Variants in PDE4A observed in about 807,000 individuals in gnomAD.
The protein encoded by PDE4A is phosphodiesterase 4A.
A neutral mutation model predicts 73.9 loss-of-function variants in PDE4A; 21 were observed. That is an observed-to-expected ratio of 0.28 (90% CI 0.20 to 0.41). The LOEUF (loss-of-function observed/expected upper bound fraction) is 0.41, where lower values mean the gene tolerates loss of function less well. Among genes scored for constraint, PDE4A ranks in the 10% least tolerant of loss-of-function variants. PDE4A has a pLI of 1.00. For missense variants in PDE4A, 958 were observed against 1,211.4 expected, an observed-to-expected ratio of 0.79 and a Z score of 3.10; for synonymous variants, 463 against 505.4, an observed-to-expected ratio of 0.92 and a Z score of 1.13.
At chr19:10,464,014 G>A in intron 14 of PDE4A, 39 bp downstream of exon 14, 1 of 1,612,156 alleles carries the variant, frequency 6.2e-7, no homozygotes, top group African/African-American at 1.3e-5. Flanking sequence ...CACAGGGTGA[G>A]TCTCCCCAGC....
intron 1 of PDE4A, among the ~76,000 whole-genome samples, chr19:10,426,867 C>CAAAAAAAA (rs1169070596): frequency 1.0e-5 from 1 of 99,228 alleles, no homozygotes. Context: ...GACTCCGTCT[C>CAAAAAAAA]AAAAAAAAAA....
chr19:10,418,630 C>A, upstream of PDE4A: 1 of 311,172 alleles, frequency 3.2e-6, no homozygotes, highest in Non-Finnish European at 4.7e-6. Flanking sequence ...TTATACCTCT[C>A]CACGCCCATC....
chr19:10,419,825 A>G (rs940287444), upstream of PDE4A, among the ~76,000 whole-genome samples: 1 of 152,188 alleles, frequency 6.6e-6, no homozygotes, highest in Non-Finnish European at 1.5e-5. Flanking sequence ...AGGCCACCTG[A>G]AAAAAGACCA....
chr19:10,444,792 C>T (rs1487949535), intron 1 of PDE4A, among the ~76,000 whole-genome samples: 1 of 151,884 alleles, frequency 6.6e-6, no homozygotes, highest in Non-Finnish European at 1.5e-5. Context: ...CCTGCCTCAG[C>T]CTCCCAAGTA....
chr19:10,461,812 T>C, intron 12 of PDE4A, 65 bp from the exon 13 acceptor site: 1 of 1,586,118 alleles, frequency 6.3e-7, no homozygotes, highest in Non-Finnish European at 8.6e-7. Context: ...GGTGAAAACT[T>C]CAGAGGCCCG....
intron 6 of PDE4A, among the ~76,000 whole-genome samples, chr19:10,451,749 C>A (rs953345446): frequency 1.3e-5 from 2 of 152,002 alleles, no homozygotes; most frequent in African/African-American, 4.8e-5. Flanking sequence ...CGGTGCACTG[C>A]ACAACTCCAG....
chr19:10,446,057 C>T (rs967301445), intron 1 of PDE4A, 161 bp from the exon 2 acceptor site: 11 of 686,896 alleles, frequency 1.6e-5, no homozygotes, highest in East Asian at 1.4e-4. Context: ...AGGCTGGTCT[C>T]GAACTCCTGA....
In PDE4A at chr19:10,424,828, G is replaced by C. The variant is rs373069329; in HGVS notation, c.320+3744G>C. Reference sequence around the variant, plus strand: ...CCGCCTCTGCGCGCTTGCCCGGCAGGCCGGTGAACCCCAGCATCCTTGGCT... The same window carrying C: ...CCGCCTCTGCGCGCTTGCCCGGCAGCCCGGTGAACCCCAGCATCCTTGGCT... On this transcript the variant is annotated intron_variant, in intron 1 of 14. Coordinates refer to ENST00000380702, the MANE Select transcript of PDE4A (RefSeq NM_001111307.2). This position sits in a 1 kb window ranked among gnomAD's most constrained non-coding sequence, Gnocchi z 4.8. 5.5e-4 allele frequency among the ~76,000 whole-genome samples: 84 copies of C among 152,356 alleles called. 2 individuals carry two copies. The East Asian group carries it at 0.014, about 26-fold the overall frequency.
At chr19:10,438,167 C>T (rs1013047766) in intron 1 of PDE4A, among the ~76,000 whole-genome samples, 1 of 150,144 alleles carries the variant, frequency 6.7e-6, no homozygotes, top group Non-Finnish European at 1.5e-5. Flanking sequence ...GGCTGGAGTG[C>T]AGTGGCGCAA....
chr19:10,417,280 G>A (rs760393893), upstream of PDE4A: 1 of 985,068 alleles, frequency 1.0e-6, no homozygotes, highest in Non-Finnish European at 1.2e-6. Context: ...GAGAGTCTCA[G>A]ATGTGAGGGA....
chr19:10,434,095 A>G (rs1262673048), intron 1 of PDE4A, among the ~76,000 whole-genome samples: 3 of 152,050 alleles, frequency 2.0e-5, no homozygotes, highest in East Asian at 1.9e-4. Context: ...AAAGAAATCC[A>G]TGCTCTGCTA....
rs2042804574 is a variant in PDE4A, at chr19:10,432,331, T to TGCCGGCAGTGGAGGCCGC, written c.320+11248_320+11265dup. 5 of 1,266,546 alleles carry TGCCGGCAGTGGAGGCCGC rather than the reference T, an allele frequency of 3.9e-6. No individual in the cohort carries two copies. The African/African-American group carries it at 7.9e-5, about 20-fold the overall frequency. 78.5% of individuals were successfully genotyped at this position (1,266,546 alleles called of 1,614,324 possible). On this transcript the variant is annotated intron_variant, in intron 1 of 14. Coordinates refer to ENST00000380702, the MANE Select transcript of PDE4A (RefSeq NM_001111307.2). ...GGGGTCACCAGAGGCGTGGAGGCGG[T>TGCCGGCAGTGGAGGCCGC]GCCGGCAGTGGAGGCCGCAGACACC... is the stretch of plus-strand genomic sequence containing the variant.
At position 10,449,109 on chromosome 19, in the gene PDE4A, C is replaced by G. The variant is rs200997576; in HGVS notation, c.579C>G (p.Ser193Arg). ...QVLASLRSVR[S>R]NFSLLTNVPV... ...TGGCCAGCCTCCGGAGCGTCCGTAG[C>G]AACTTCTCACTCCTGACCAATGTGC... Residue 193 changes from serine (S) to arginine (R), a missense_variant, in exon 4 of 15, where the codon AGC becomes AGG. By Grantham distance (110) the Ser-to-Arg change is moderately radical (BLOSUM62 -1). This residue lies in a region of PDE4A where 570 missense variants were observed against 827.7 expected (regional missense o/e 0.69). Transcript: ENST00000380702. 24 of 1,613,778 alleles carry G rather than the reference C, an allele frequency of 1.5e-5. No individual in the cohort carries two copies. The highest frequency in any genetic ancestry group is 1.9e-5 in the Non-Finnish European group (22 of 1,179,826).
At chr19:10,417,059 A>G, upstream of PDE4A, 1 of 1,512,376 alleles carries the variant, frequency 6.6e-7, no homozygotes, top group Non-Finnish European at 8.8e-7. Context: ...CCCTCTAGTG[A>G]CCACGGCTAT....
rs1354860971 is a variant in PDE4A at position 10,461,967 on chromosome 19, C to G, written c.1711C>G (p.Leu571Val). Residue 571 changes from leucine to valine, a missense_variant, in exon 13 of 15, where the codon CTC becomes GTC. Coordinates refer to ENST00000380702, the MANE Select transcript of PDE4A (RefSeq NM_001111307.2). ...CAAGAAAGTGACCAGCTCAGGGGTC[C>G]TCCTGCTAGATAACTACTCCGACCG... ...ETKKVTSSGV[L>V]LLDNYSDRIQ... 3 of 1,613,962 alleles carry G rather than the reference C, an allele frequency of 1.9e-6. No individual in the cohort carries two copies. The South Asian group carries it at 3.3e-5, about 18-fold the overall frequency.
At chr19:10,437,949 C>T (rs934562911) in intron 1 of PDE4A, among the ~76,000 whole-genome samples, 1 of 151,480 alleles carries the variant, frequency 6.6e-6, no homozygotes, top group African/African-American at 2.4e-5. Flanking sequence ...GGACCACAGG[C>T]GCACACCATC....
chr19:10,436,247 A>G (rs569538011), intron 1 of PDE4A, among the ~76,000 whole-genome samples: 1 of 152,234 alleles, frequency 6.6e-6, no homozygotes, highest in East Asian at 1.9e-4. Context: ...TCCTTATGCC[A>G]TGGGAATGTT....
Position 10,450,641 on chromosome 19 carries a change from C to T in PDE4A, c.659C>T (p.Ala220Val). The change falls in exon 5 of 15, where the codon GCC becomes GTC. Residue 220 changes from alanine (A) to valine (V), a missense_variant. Ala to Val is a moderately conservative substitution (Grantham distance 64). Transcript: ENST00000380702. ...PLGGPTPVCKATLSEETCQQL... is the reference protein window; with the variant it reads ...PLGGPTPVCKVTLSEETCQQL... ...GGCGGCCCCACCCCTGTCTGCAAGG[C>T]CACGCTGTCAGGTAGCTAAGCCCAG... The T allele has an allele frequency of 6.2e-7, 1 of 1,609,988 alleles. No homozygotes were observed. Among genetic ancestry groups the T allele is most frequent in the Non-Finnish European group, 8.5e-7 (1 of 1,178,718 alleles).
chr19:10,440,448 G>C (rs1463931789), intron 1 of PDE4A, among the ~76,000 whole-genome samples: 1 of 151,988 alleles, frequency 6.6e-6, no homozygotes, highest in Non-Finnish European at 1.5e-5. Flanking sequence ...TTTTGAGACA[G>C]GGTCTCACTC....
Sources: allele counts gnomAD v4.1 joint callset (sites outside exome capture counted in the v4.1 genomes callset), GRCh38; gene constraint gnomAD v4.1.1; regional missense constraint gnomAD v4.1.1; non-coding constraint Gnocchi (gnomAD v3.1); transcripts MANE v1.5; gene names NCBI Gene and HGNC (gene_info 2026-07-23, HGNC 2026-07-21).